PTPRN2: variants seen among roughly 807,000 people sequenced by gnomAD.
PTPRN2 encodes the protein protein tyrosine phosphatase receptor type N2, also known as receptor-type tyrosine-protein phosphatase N2.
In PTPRN2, 74 loss-of-function variants were observed where a neutral mutation model predicts 118.8. That is an observed-to-expected ratio of 0.62 (90% CI 0.52 to 0.76). The LOEUF is 0.76. Ranked by LOEUF, PTPRN2 falls within the 30% of genes least tolerant of loss-of-function variation. The pLI is 0.00. For synonymous variants in PTPRN2, 641 were observed against 608.0 expected (o/e 1.05, Z -0.80); for missense variants, 1,481 against 1,394.4 (o/e 1.06, Z -0.99).
chr7:157,901,824 C>T (rs1446368702), intron 11 of PTPRN2, among the ~76,000 whole-genome samples: 3 of 135,140 alleles, frequency 2.2e-5, no homozygotes, highest in Non-Finnish European at 3.1e-5. Flanking sequence ...CCTCCCCGTC[C>T]GTGTTTCCTT....
At chr7:158,392,685 A>G (rs1812033169) in intron 2 of PTPRN2, among the ~76,000 whole-genome samples, 1 of 152,174 alleles carries the variant, frequency 6.6e-6, no homozygotes, top group Admixed American at 6.5e-5. Flanking sequence ...CGAAGACACA[A>G]AGCCGGGCCC....
chr7:158,580,287 A>G (rs1261641527), intron 1 of PTPRN2, among the ~76,000 whole-genome samples: 1 of 152,254 alleles, frequency 6.6e-6, no homozygotes, highest in Non-Finnish European at 1.5e-5. Context: ...TGCCAATTTT[A>G]TTAGCGGCTC....
At chr7:157,839,918 G>A (rs1449707219) in intron 12 of PTPRN2, among the ~76,000 whole-genome samples, 2 of 151,668 alleles carry the variant, frequency 1.3e-5, no homozygotes, top group Non-Finnish European at 2.9e-5. Flanking sequence ...GTGGCCATAT[G>A]TGACTGTGTG....
rs372166189 is a variant in PTPRN2 at position 158,457,823 on chromosome 7, C to G, written c.163+31912G>C. On this transcript the variant is annotated intron_variant, in intron 2 of 22. Transcript: ENST00000389418. ...GAGGGGCGTTAACACCAGACCTCCC[C>G]CTCCAGGGCGAGCCTGGCCTGGGGA... Among the ~76,000 whole-genome samples, 117 of 141,330 alleles carry G rather than the reference C, an allele frequency of 8.3e-4. 2 individuals carry two copies. Among genetic ancestry groups the G allele is most frequent in the African/African-American group, 3.1e-3 (110 of 35,276 alleles). The allele number at this position is 141,330 out of a possible 152,430, so 92.7% of individuals were successfully genotyped here.
chr7:158,251,304 G>A (rs1796639726), intron 3 of PTPRN2, among the ~76,000 whole-genome samples: 1 of 152,238 alleles, frequency 6.6e-6, no homozygotes, highest in Non-Finnish European at 1.5e-5. Context: ...TCTCCCAGCA[G>A]AGATCAGATG....
intron 11 of PTPRN2, among the ~76,000 whole-genome samples, chr7:157,969,346 G>A (rs547856865): frequency 2.6e-4 from 39 of 152,122 alleles, no homozygotes; most frequent in Non-Finnish European, 4.9e-4. Context: ...CTAAGCTCAA[G>A]TGATCCACCC....
At chr7:157,714,847 G>A (rs1359749672) in intron 12 of PTPRN2, among the ~76,000 whole-genome samples, 2 of 151,142 alleles carry the variant, frequency 1.3e-5, no homozygotes, top group Admixed American at 6.6e-5. Flanking sequence ...CTGAGCTTGA[G>A]GCGCTTCTCC....
chr7:158,226,971 C>G lies in PTPRN2; in HGVS notation c.278-21698G>C, dbSNP rs182668012. ...GGAGCCAGGCTGAGGAACAGAGATGCAAAGGTTTGGGGGTGAAGCTGAAGA... is the reference window on the plus strand; with the variant it reads ...GGAGCCAGGCTGAGGAACAGAGATGGAAAGGTTTGGGGGTGAAGCTGAAGA... On this transcript the variant is annotated intron_variant, in intron 3 of 22. Coordinates refer to ENST00000389418, the MANE Select transcript of PTPRN2 (RefSeq NM_002847.5). Among the ~76,000 whole-genome samples, 373 of 151,988 alleles carry G rather than the reference C, an allele frequency of 2.5e-3. 8 individuals carry two copies. Among genetic ancestry groups the G allele is most frequent in the Admixed American group, 0.021 (325 of 15,262 alleles).
intron 14 of PTPRN2, 29 bp from the exon 15 acceptor site, chr7:157,621,538 C>T (rs773467416): frequency 6.2e-7 from 1 of 1,608,308 alleles, no homozygotes; most frequent in Admixed American, 1.7e-5. Context: ...GTCAGGAGCG[C>T]ACCTAGGTGG....
chr7:157,613,850 C>G (rs947296472), intron 15 of PTPRN2, among the ~76,000 whole-genome samples: 2 of 152,218 alleles, frequency 1.3e-5, no homozygotes, highest in African/African-American at 2.4e-5. Context: ...GCGGCCCCCC[C>G]ACAGTGTGCC....
rs567905079 is a variant in PTPRN2 at position 157,813,264 on chromosome 7, C to T, written c.1788+85409G>A. On this transcript the variant is annotated intron_variant, in intron 12 of 22. Coordinates refer to ENST00000389418, the MANE Select transcript of PTPRN2 (RefSeq NM_002847.5). The surrounding 1 kb of genome is among the most constrained non-coding windows in gnomAD (Gnocchi z 4.7). ...CAGTGGTAAGCCCAGACCTTTGGGA[C>T]CCCTCACCCTGCCCGGTCCTCCTGC... is the stretch of plus-strand genomic sequence containing the variant. Among the ~76,000 whole-genome samples the T allele has an allele frequency of 2.0e-5, 3 of 152,262 alleles. No individual in the cohort carries two copies. In the East Asian group the frequency reaches 5.8e-4, roughly 29 times the overall value.
chr7:158,178,407 A>G (rs1824403708), intron 5 of PTPRN2, among the ~76,000 whole-genome samples: 1 of 151,990 alleles, frequency 6.6e-6, no homozygotes, highest in African/African-American at 2.4e-5. Flanking sequence ...CTGCCTTTGC[A>G]TACCCATAGC....
rs1045790854 is a variant in PTPRN2, at chr7:157,808,518, T to C, written c.1788+90155A>G. On this transcript the variant is annotated intron_variant, in intron 12 of 22. Coordinates refer to ENST00000389418, the MANE Select transcript of PTPRN2 (RefSeq NM_002847.5). The surrounding 1 kb of genome is among the most constrained non-coding windows in gnomAD (Gnocchi z 5.0). ...CCAGGTTGCACGCTCCTTATGAAAA[T>C]CTAATGCCTGATGATCTGTCACTGT... Among the ~76,000 whole-genome samples the C allele has an allele frequency of 2.6e-5, 4 of 152,038 alleles. No individual in the cohort carries two copies. The highest frequency in any genetic ancestry group is 9.7e-5 in the African/African-American group (4 of 41,400).
chr7:158,556,731 G>C (rs1383114110), intron 1 of PTPRN2, among the ~76,000 whole-genome samples: 1 of 148,204 alleles, frequency 6.7e-6, no homozygotes, highest in Non-Finnish European at 1.5e-5. Context: ...AGGTCAGGCG[G>C]CTCCCGGGCA....
intron 4 of PTPRN2, among the ~76,000 whole-genome samples, chr7:158,200,973 T>G (rs1368769785): frequency 6.6e-6 from 1 of 152,188 alleles, no homozygotes; most frequent in African/African-American, 2.4e-5. Context: ...TGAAGAAGTT[T>G]TATTTAAAAG....
At chr7:158,130,980 A>G (rs888684898) in intron 9 of PTPRN2, among the ~76,000 whole-genome samples, 1 of 151,452 alleles carries the variant, frequency 6.6e-6, no homozygotes, top group Non-Finnish European at 1.5e-5. Flanking sequence ...ATATACACAA[A>G]CACACATATG....
intron 11 of PTPRN2, among the ~76,000 whole-genome samples, chr7:158,057,029 C>G (rs1809844429): frequency 6.6e-6 from 1 of 152,214 alleles, no homozygotes; most frequent in Non-Finnish European, 1.5e-5. Context: ...ATGCACTAGA[C>G]CCACCCAGCG....
intron 3 of PTPRN2, among the ~76,000 whole-genome samples, chr7:158,297,778 T>C (rs916039462): frequency 3.3e-5 from 5 of 152,212 alleles, no homozygotes; most frequent in Non-Finnish European, 5.9e-5. Context: ...GTTATGCTGT[T>C]CCCTCACCTC....
chr7:158,521,053 C>T (rs548865257), intron 1 of PTPRN2, among the ~76,000 whole-genome samples: 224 of 152,388 alleles, frequency 1.5e-3, no homozygotes, highest in Non-Finnish European at 2.4e-3. Flanking sequence ...GACCTTATTC[C>T]ATGACTTCCC....
Sources: allele counts gnomAD v4.1 joint callset (sites outside exome capture counted in the v4.1 genomes callset), GRCh38; gene constraint gnomAD v4.1.1; non-coding constraint Gnocchi (gnomAD v3.1); transcripts MANE v1.5; gene names NCBI Gene and HGNC (gene_info 2026-07-23, HGNC 2026-07-21).